The following SDR42E1 variants were observed in gnomAD, a reference collection of about 807,000 sequenced individuals.
SDR42E1 encodes the protein short chain dehydrogenase/reductase family 42E, member 1, also known as short-chain dehydrogenase/reductase family 42E member 1.
SDR42E1 carries 5 observed loss-of-function variants against 2.6 expected under a neutral mutation model. The ratio of observed to expected loss-of-function variants is 1.94; its 90% CI spans 1.01 to 4.08. The LOEUF (loss-of-function observed/expected upper bound fraction) is 4.08, where lower values mean the gene tolerates loss of function less well. Ranked by LOEUF, SDR42E1 falls within the 30% of genes most tolerant of loss-of-function variation. The pLI is 0.00. For missense variants in SDR42E1, 596 were observed against 478.6 expected, an observed-to-expected ratio of 1.25 and a Z score of -2.29; for synonymous variants, 231 against 188.3, an observed-to-expected ratio of 1.23 and a Z score of -1.86.
intron 1 of SDR42E1, among the ~76,000 whole-genome samples, chr16:82,004,251 G>A (rs191019693): frequency 2.0e-5 from 3 of 151,978 alleles, no homozygotes; most frequent in Non-Finnish European, 4.4e-5. Flanking sequence ...AGAGATCATG[G>A]GAGAGTGAGC....
At chr16:82,008,842 GA>G (rs780316947) in intron 1 of SDR42E1, among the ~76,000 whole-genome samples, 3 of 152,242 alleles carry the variant, frequency 2.0e-5, no homozygotes, top group African/African-American at 4.8e-5. Flanking sequence ...GCATGTCAGA[GA>G]CCTTCTTGGC....
In SDR42E1 at chr16:81,998,998, A is replaced by C. The variant is rs1912628254; in HGVS notation, c.*113T>G. 4 of 1,077,730 alleles carry C rather than the reference A, an allele frequency of 3.7e-6. No individual in the cohort carries two copies. The highest frequency in any genetic ancestry group is 2.7e-5 in the Admixed American group (1 of 37,670). 66.8% of individuals were successfully genotyped at this position (1,077,730 alleles called of 1,614,324 possible). A position where few individuals can be genotyped will look rare whatever the true frequency, so the allele number is the denominator to read the frequency against. On this transcript the variant is annotated 3_prime_UTR_variant, in exon 3 of 3. Transcript: ENST00000328945. Reference sequence around the variant, plus strand: ...TCAATCCAAGAACCTATTCTTAAGTAGCAATTTGAAGAGCCAATGTTTGGC... The same window carrying C: ...TCAATCCAAGAACCTATTCTTAAGTCGCAATTTGAAGAGCCAATGTTTGGC...
chr16:81,993,462 C>T lies in SDR42E1; in HGVS notation c.*5649G>A, dbSNP rs564466107. 2.0e-5 allele frequency: 3 copies of T among 152,232 alleles called. No individual in the cohort carries two copies. The highest frequency in any genetic ancestry group is 4.4e-5 in the Non-Finnish European group (3 of 68,034). 9.4% of individuals were successfully genotyped at this position (152,232 alleles called of 1,614,324 possible). A position where few individuals can be genotyped will look rare whatever the true frequency, so the allele number is the denominator to read the frequency against. ...TCATTGGTTCTGATCATTCCCCTGC[C>T]CCCGTGCTTTTCTGGTTGTTACAGT... On this transcript the variant is annotated 3_prime_UTR_variant, in exon 3 of 3. Coordinates refer to ENST00000328945, the MANE Select transcript of SDR42E1 (RefSeq NM_145168.3).
rs868071010 is a variant in SDR42E1, at chr16:81,998,449, T to C, written c.*662A>G. On this transcript the variant is annotated 3_prime_UTR_variant, in exon 3 of 3. Transcript: ENST00000328945. ...ACCATGACAATTCTGATAAAAAGAA[T>C]GGCTATGTGTGTTGAGGAGCGCTTT... 1.3e-5 allele frequency: 2 copies of C among 152,398 alleles called. No homozygotes were observed. Among genetic ancestry groups the C allele is most frequent in the Non-Finnish European group, 2.9e-5 (2 of 68,190 alleles). The allele number at this position is 152,398 out of a possible 1,614,324, so 9.4% of individuals were successfully genotyped here.
Position 81,999,838 on chromosome 16 carries a change from T to G in SDR42E1, c.455A>C (p.Tyr152Ser). 6.2e-7 allele frequency: 1 copy of G among 1,613,958 alleles called. No individual in the cohort carries two copies. Among genetic ancestry groups the G allele is most frequent in the South Asian group, 1.1e-5 (1 of 91,062 alleles). ...YLPLHLHPDH[Y>S]SRTKSIAEQK... The stretch of plus-strand genomic sequence containing the variant: ...CTCTGCAATTGACTTTGTCCGAGAG[T>G]AGTGATCAGGGTGGAGGTGAAGAGG... Residue 152 changes from tyrosine to serine, a missense_variant, in exon 3 of 3, where the codon TAC becomes TCC. Coordinates refer to ENST00000328945, the MANE Select transcript of SDR42E1 (RefSeq NM_145168.3).
In SDR42E1 at chr16:82,009,683, G is replaced by C. The variant is rs552318553; in HGVS notation, c.-27+1704C>G. Reference sequence around the variant, plus strand: ...CTTATAGGTGGAAGGGGCTTGCCTTGCCTCAGATGAGACTTTGGAGTGTGG... The same window carrying C: ...CTTATAGGTGGAAGGGGCTTGCCTTCCCTCAGATGAGACTTTGGAGTGTGG... On this transcript the variant is annotated intron_variant, in intron 1 of 2. Transcript: ENST00000328945. Among the ~76,000 whole-genome samples the C allele has an allele frequency of 1.3e-5, 2 of 152,214 alleles. 1 individual carries two copies. The highest frequency in any genetic ancestry group is 2.9e-5 in the Non-Finnish European group (2 of 68,040).
At chr16:82,001,998 C>CACACACACACACACACG (rs1912784057) in intron 1 of SDR42E1, among the ~76,000 whole-genome samples, 1 of 149,376 alleles carries the variant, frequency 6.7e-6, no homozygotes, top group African/African-American at 2.5e-5. Context: ...ACACATATAC[C>CACACACACACACACACG]TGTGCTCAAG....
At chr16:82,009,933 T>C (rs1483042881) in intron 1 of SDR42E1, among the ~76,000 whole-genome samples, 2 of 152,234 alleles carry the variant, frequency 1.3e-5, no homozygotes, top group East Asian at 3.8e-4. Context: ...GGTGGGTTTT[T>C]CCCATGCCGT....
At position 81,996,028 on chromosome 16, in the gene SDR42E1, G is replaced by A. The variant is rs1221186285; in HGVS notation, c.*3083C>T. 1 of 152,294 alleles carries A rather than the reference G, an allele frequency of 6.6e-6. No individual in the cohort carries two copies. Among genetic ancestry groups the A allele is most frequent in the Admixed American group, 6.5e-5 (1 of 15,282 alleles). The allele number at this position is 152,294 out of a possible 1,614,324, so 9.4% of individuals were successfully genotyped here. Reference sequence around the variant, plus strand: ...AGGAGCAGGGAGCCTGAGAAGCTTGGAGCCCAGGAACCTAAAAAAGGTCAG... The same window carrying A: ...AGGAGCAGGGAGCCTGAGAAGCTTGAAGCCCAGGAACCTAAAAAAGGTCAG... On this transcript the variant is annotated 3_prime_UTR_variant, in exon 3 of 3. Transcript: ENST00000328945.
Position 81,989,824 on chromosome 16 carries a change from C to G in SDR42E1, c.*9287G>C, listed in dbSNP as rs1258187666. On this transcript the variant is annotated 3_prime_UTR_variant, in exon 3 of 3. Coordinates refer to ENST00000328945, the MANE Select transcript of SDR42E1 (RefSeq NM_145168.3). Reference sequence around the variant, plus strand: ...ACCATCACGGCTGACATGGTGAAACCCCATCTCTACTAAAAATACAAAAAT... The same window carrying G: ...ACCATCACGGCTGACATGGTGAAACGCCATCTCTACTAAAAATACAAAAAT... 1 of 152,158 alleles carries G rather than the reference C, an allele frequency of 6.6e-6. No homozygotes were observed. The highest frequency in any genetic ancestry group is 1.5e-5 in the Non-Finnish European group (1 of 68,064). 9.4% of individuals were successfully genotyped at this position (152,158 alleles called of 1,614,324 possible). A position where few individuals can be genotyped will look rare whatever the true frequency, so the allele number is the denominator to read the frequency against.
chr16:82,000,563 G>C, intron 2 of SDR42E1: 2 of 589,286 alleles, frequency 3.4e-6, no homozygotes, highest in Non-Finnish European at 6.0e-6. Context: ...ATTGTTTTTG[G>C]TGATGTGAAT....
In SDR42E1 at chr16:81,989,341, T is replaced by C. The variant is rs1912375659; in HGVS notation, c.*9770A>G. ...GGGAAAGACATGAACACCACAGCCC[T>C]GTTTTCTATACAAATATATACATAT... On this transcript the variant is annotated 3_prime_UTR_variant, in exon 3 of 3. Transcript: ENST00000328945. 1 of 152,226 alleles carries C rather than the reference T, an allele frequency of 6.6e-6. No homozygotes were observed. 9.4% of individuals were successfully genotyped at this position (152,226 alleles called of 1,614,324 possible). A position where few individuals can be genotyped will look rare whatever the true frequency, so the allele number is the denominator to read the frequency against.
rs534246430 is a variant in SDR42E1, at chr16:81,989,530, G to T, written c.*9581C>A. On this transcript the variant is annotated 3_prime_UTR_variant, in exon 3 of 3. Transcript: ENST00000328945. ...AGAAATAAAAGCTTGATGATTTTGG[G>T]TTGGCTTTCTAGCCCCACAATTTAA... The T allele has an allele frequency of 2.0e-5, 3 of 152,132 alleles. No individual in the cohort carries two copies. The highest frequency in any genetic ancestry group is 4.4e-5 in the Non-Finnish European group (3 of 68,006). 9.4% of individuals were successfully genotyped at this position (152,132 alleles called of 1,614,324 possible).
intron 1 of SDR42E1, among the ~76,000 whole-genome samples, chr16:82,009,580 T>C (rs1437523743): frequency 1.3e-5 from 2 of 152,224 alleles, no homozygotes; most frequent in African/African-American, 4.8e-5. Flanking sequence ...TTTCTCCTTT[T>C]TGGAATGAGT....
chr16:82,004,473 T>C (rs1003525878), intron 1 of SDR42E1, among the ~76,000 whole-genome samples: 1 of 152,206 alleles, frequency 6.6e-6, no homozygotes, highest in Non-Finnish European at 1.5e-5. Flanking sequence ...GAGACAGGCT[T>C]CTGTCCCCTT....
Position 81,994,422 on chromosome 16 carries a change from C to G in SDR42E1, c.*4689G>C, listed in dbSNP as rs1912495882. The stretch of plus-strand genomic sequence containing the variant: ...TGGGAGAAAGGCTGAAAGGATGACG[C>G]TGACTGGCCCATCGTGGCCCAATGA... On this transcript the variant is annotated 3_prime_UTR_variant, in exon 3 of 3. Transcript: ENST00000328945. 6.6e-6 allele frequency: 1 copy of G among 152,286 alleles called. No homozygotes were observed. The highest frequency in any genetic ancestry group is 1.5e-5 in the Non-Finnish European group (1 of 68,102). The allele number at this position is 152,286 out of a possible 1,614,324, so 9.4% of individuals were successfully genotyped here. A position where few individuals can be genotyped will look rare whatever the true frequency, so the allele number is the denominator to read the frequency against.
rs777176586 is a variant in SDR42E1, at chr16:82,000,079, C to A, written c.214G>T (p.Asp72Tyr). Reference protein sequence around the residue: ...SDVEKAFQDADVTCVFHIASY... With the variant: ...SDVEKAFQDAYVTCVFHIASY... ...GCAATATGGAACACACAAGTGACGT[C>A]TGCATCCTGGAAGGCTTTCTCTACG... The change falls in exon 3 of 3, where the codon GAC (aspartate) becomes TAC (tyrosine). Residue 72 changes from aspartate to tyrosine, a missense_variant. By Grantham distance (160) the Asp-to-Tyr change is radical (BLOSUM62 -3). Transcript: ENST00000328945. 1.2e-6 allele frequency: 2 copies of A among 1,614,236 alleles called. No individual in the cohort carries two copies. The highest frequency in any genetic ancestry group is 1.7e-6 in the Non-Finnish European group (2 of 1,180,042).
chr16:81,996,073 G>T lies in SDR42E1; in HGVS notation c.*3038C>A, dbSNP rs1038097701. Reference sequence around the variant, plus strand: ...GGTCAGTGTAATTGGGGCAGAGAAGGCAGAATAATGTGAGATGAAGTTAGA... The same window carrying T: ...GGTCAGTGTAATTGGGGCAGAGAAGTCAGAATAATGTGAGATGAAGTTAGA... On this transcript the variant is annotated 3_prime_UTR_variant, in exon 3 of 3. Coordinates refer to ENST00000328945, the MANE Select transcript of SDR42E1 (RefSeq NM_145168.3). 4 of 152,250 alleles carry T rather than the reference G, an allele frequency of 2.6e-5. No individual in the cohort carries two copies. The highest frequency in any genetic ancestry group is 4.4e-5 in the Non-Finnish European group (3 of 68,084). 9.4% of individuals were successfully genotyped at this position (152,250 alleles called of 1,614,324 possible). A position where few individuals can be genotyped will look rare whatever the true frequency, so the allele number is the denominator to read the frequency against.
In SDR42E1 at chr16:81,989,828, T is replaced by C. The variant is rs1444652091; in HGVS notation, c.*9283A>G. Reference sequence around the variant, plus strand: ...TCACGGCTGACATGGTGAAACCCCATCTCTACTAAAAATACAAAAATTAGC... The same window carrying C: ...TCACGGCTGACATGGTGAAACCCCACCTCTACTAAAAATACAAAAATTAGC... On this transcript the variant is annotated 3_prime_UTR_variant, in exon 3 of 3. Transcript: ENST00000328945. 1.3e-5 allele frequency: 2 copies of C among 152,124 alleles called. No individual in the cohort carries two copies. Among genetic ancestry groups the C allele is most frequent in the Admixed American group, 6.5e-5 (1 of 15,274 alleles). 9.4% of individuals were successfully genotyped at this position (152,124 alleles called of 1,614,324 possible).
Sources: gnomAD v4.1 joint callset for allele counts (sites outside exome capture counted in the v4.1 genomes callset) on GRCh38, gnomAD v4.1.1 for gene constraint, MANE v1.5 for transcripts, NCBI Gene and HGNC (gene_info 2026-07-23, HGNC 2026-07-21) for gene names.